DYNC2H1: variants seen among roughly 807,000 people sequenced by gnomAD.
DYNC2H1 encodes the protein dynein cytoplasmic 2 heavy chain 1.
DYNC2H1 carries 410 observed loss-of-function variants against 570.0 expected under a neutral mutation model. The observed-to-expected ratio is 0.72, with a 90% CI of 0.66 to 0.78. The LOEUF (loss-of-function observed/expected upper bound fraction) is 0.78. Ranked by LOEUF, DYNC2H1 falls within the 30% of genes least tolerant of loss-of-function variation. The pLI, the probability that DYNC2H1 is intolerant of heterozygous loss-of-function variation, is 0.00. For missense variants in DYNC2H1, 4,865 were observed against 5,046.4 expected (o/e 0.96, Z 1.09); for synonymous variants, 1,688 against 1,677.6 (o/e 1.01, Z -0.15).
intron 84 of DYNC2H1, among the ~76,000 whole-genome samples, chr11:103,416,397 C>G (rs1320833179): frequency 6.6e-6 from 1 of 152,090 alleles, no homozygotes; most frequent in East Asian, 1.9e-4. Context: ...GCAAAAAGAA[C>G]AAAGCTGGAG....
At chr11:103,424,035 CACA>C (rs746714285) in intron 84 of DYNC2H1, among the ~76,000 whole-genome samples, 1 of 152,010 alleles carries the variant, frequency 6.6e-6, no homozygotes, top group African/African-American at 2.4e-5. Flanking sequence ...CTGAGAGCTA[CACA>C]ACATCATTGA....
At chr11:103,333,701 C>A (rs1050187622) in intron 82 of DYNC2H1, among the ~76,000 whole-genome samples, 3 of 152,014 alleles carry the variant, frequency 2.0e-5, no homozygotes, top group African/African-American at 7.2e-5. Context: ...TGGATTTTAC[C>A]AATAAGTTGT....
rs1289533783 is a variant in DYNC2H1 at position 103,289,633 on chromosome 11, T to G, written c.11095+2028T>G. ...AAAATGAGCCAGGCACGGTGGCATG[T>G]GCCTGTAGTTCCAGCTACTCAGGAG... is the stretch of plus-strand genomic sequence containing the variant. On this transcript the variant is annotated intron_variant, in intron 75 of 88. Transcript: ENST00000375735. The surrounding 1 kb of genome is among the most constrained non-coding windows in gnomAD (Gnocchi z 4.2). Among the ~76,000 whole-genome samples the G allele has an allele frequency of 6.6e-6, 1 of 152,048 alleles. No individual in the cohort carries two copies.
At chr11:103,436,450 T>TA (rs1656403140) in intron 85 of DYNC2H1, among the ~76,000 whole-genome samples, 1 of 152,022 alleles carries the variant, frequency 6.6e-6, no homozygotes, top group South Asian at 2.1e-4. Flanking sequence ...AGAAGAATAA[T>TA]ATAGACAGAG....
intron 36 of DYNC2H1, among the ~76,000 whole-genome samples, chr11:103,175,025 A>G (rs1315397091): frequency 6.6e-6 from 1 of 152,114 alleles, no homozygotes; most frequent in Non-Finnish European, 1.5e-5. Context: ...TCATTTATGT[A>G]TTCATTAACT....
chr11:103,232,966 T>C (rs1939834), intron 60 of DYNC2H1, among the ~76,000 whole-genome samples: 9,843 of 152,048 alleles, frequency 0.065, 1,062 homozygotes, highest in African/African-American at 0.22. Context: ...GTAATATGAC[T>C]GAGGAATTGA....
chr11:103,303,539 C>A (rs1565478846), intron 76 of DYNC2H1, among the ~76,000 whole-genome samples: 2 of 151,880 alleles, frequency 1.3e-5, no homozygotes, highest in Admixed American at 6.6e-5. Flanking sequence ...GTCGAGAGTG[C>A]AGCTAGGAGA....
In DYNC2H1 at chr11:103,256,593, C is replaced by T. The variant is rs1315669919; in HGVS notation, c.10461+353C>T. On this transcript the variant is annotated intron_variant, in intron 68 of 88. Transcript: ENST00000375735. This position sits in a 1 kb window ranked among gnomAD's most constrained non-coding sequence, Gnocchi z 4.0. ...TCTTAGAACTTTTCTTAAGTTAAGG[C>T]AAGTTAAATATACTAATTAAAAGGG... 1.3e-5 allele frequency among the ~76,000 whole-genome samples: 2 copies of T among 152,090 alleles called. No homozygotes were observed. The highest frequency in any genetic ancestry group is 2.4e-5 in the African/African-American group (1 of 41,390).
chr11:103,311,746 A>G (rs1466977686), intron 78 of DYNC2H1, 132 bp from the exon 79 acceptor site: 2 of 777,338 alleles, frequency 2.6e-6, no homozygotes, highest in Non-Finnish European at 4.0e-6. Flanking sequence ...TTTTGAAGTA[A>G]CATAATAATT....
intron 85 of DYNC2H1, among the ~76,000 whole-genome samples, chr11:103,451,389 G>A (rs535812754): frequency 7.8e-6 from 1 of 128,382 alleles, no homozygotes; most frequent in African/African-American, 3.1e-5. Context: ...CTGGAGTGCA[G>A]TGGCACAATC....
intron 82 of DYNC2H1, among the ~76,000 whole-genome samples, chr11:103,340,730 T>C (rs1242826617): frequency 6.6e-6 from 1 of 152,164 alleles, no homozygotes; most frequent in Non-Finnish European, 1.5e-5. Context: ...TGTGAGGCCG[T>C]GTTTTAGTAC....
chr11:103,181,256 A>G lies in DYNC2H1; in HGVS notation c.6348-501A>G, dbSNP rs1861838588. Among the ~76,000 whole-genome samples, 1 of 151,570 alleles carries G rather than the reference A, an allele frequency of 6.6e-6. No individual in the cohort carries two copies. The highest frequency in any genetic ancestry group is 6.6e-5 in the Admixed American group (1 of 15,172). ...AAAAGTGTTTCTAAAGATCTGTATTACAGTTTAGATCAGTGCATTTTAAAC... is the reference window on the plus strand; with the variant it reads ...AAAAGTGTTTCTAAAGATCTGTATTGCAGTTTAGATCAGTGCATTTTAAAC... On this transcript the variant is annotated intron_variant, in intron 39 of 88. Transcript: ENST00000375735. The surrounding 1 kb of genome is among the most constrained non-coding windows in gnomAD (Gnocchi z 5.0).
chr11:103,462,485 A>G (rs1945051557), intron 87 of DYNC2H1, among the ~76,000 whole-genome samples: 1 of 152,110 alleles, frequency 6.6e-6, no homozygotes, highest in African/African-American at 2.4e-5. Context: ...TCAGTATTTC[A>G]TCTAATAGAT....
At position 103,326,788 on chromosome 11, in the gene DYNC2H1, G is replaced by T. The variant is rs569633871; in HGVS notation, c.12039+2798G>T. ...ATCCTGTGGGGGAAGCCAGCCTGCT[G>T]TCTCTTGGCCTGGCAGTCAGCTGAT... On this transcript the variant is annotated intron_variant, in intron 82 of 88. Coordinates refer to ENST00000375735, the MANE Select transcript of DYNC2H1 (RefSeq NM_001377.3). This position sits in a 1 kb window ranked among gnomAD's most constrained non-coding sequence, Gnocchi z 6.1. Among the ~76,000 whole-genome samples, 1 of 152,210 alleles carries T rather than the reference G, an allele frequency of 6.6e-6. No homozygotes were observed. Among genetic ancestry groups the T allele is most frequent in the Non-Finnish European group, 1.5e-5 (1 of 68,032 alleles).
At chr11:103,300,579 C>A (rs964368791) in intron 75 of DYNC2H1, among the ~76,000 whole-genome samples, 1 of 152,082 alleles carries the variant, frequency 6.6e-6, no homozygotes, top group Non-Finnish European at 1.5e-5. Context: ...ACATGAATGT[C>A]ACCTGTGTTA....
intron 61 of DYNC2H1, 111 bp downstream of exon 61, chr11:103,234,271 C>T: frequency 3.2e-6 from 4 of 1,259,818 alleles, no homozygotes; most frequent in Non-Finnish European, 4.3e-6. Flanking sequence ...GCACCTGGCT[C>T]AGGATAAATA....
chr11:103,143,238 T>G lies in DYNC2H1; in HGVS notation c.2575-30T>G, dbSNP rs761403671. On this transcript the variant is annotated intron_variant, in intron 17 of 88. Coordinates refer to ENST00000375735, the MANE Select transcript of DYNC2H1 (RefSeq NM_001377.3). The stretch of plus-strand genomic sequence containing the variant: ...TGTTAACATATTGGTTCTGTGTCTT[T>G]AATAATACATTTTTTCTTTCTTTAA... 7 of 1,605,506 alleles carry G rather than the reference T, an allele frequency of 4.4e-6. No homozygotes were observed. In the Admixed American group the frequency reaches 1.2e-4, roughly 27 times the overall value.
intron 84 of DYNC2H1, among the ~76,000 whole-genome samples, chr11:103,410,826 G>A (rs1943055372): frequency 1.3e-5 from 2 of 151,870 alleles, no homozygotes; most frequent in African/African-American, 2.4e-5. Flanking sequence ...TATGGCCACA[G>A]TGGCTGGCAC....
At chr11:103,207,352 A>G (rs1000548963) in intron 52 of DYNC2H1, among the ~76,000 whole-genome samples, 1 of 151,690 alleles carries the variant, frequency 6.6e-6, no homozygotes, top group Non-Finnish European at 1.5e-5. Context: ...GAATAATATC[A>G]TTGAGTAAGT....
Sources: gnomAD v4.1 joint callset for allele counts (sites outside exome capture counted in the v4.1 genomes callset) on GRCh38, gnomAD v4.1.1 for gene constraint, Gnocchi (gnomAD v3.1) non-coding constraint, MANE v1.5 for transcripts, NCBI Gene and HGNC (gene_info 2026-07-23, HGNC 2026-07-21) for gene names.